Variants in MGAM observed in about 807,000 individuals in gnomAD.
The protein encoded by MGAM is alpha-1,4-glucosidase.
In MGAM, 253 loss-of-function variants were observed where a neutral mutation model predicts 358.8. The observed-to-expected ratio is 0.71, with a 90% CI of 0.64 to 0.78. The LOEUF is 0.78. Among genes scored for constraint, MGAM ranks in the 30% least tolerant of loss-of-function variants. The probability of loss-of-function intolerance (pLI) is 0.00; values close to 1 mark genes in which losing one functional copy is unlikely to be tolerated. For missense variants in MGAM, 3,080 were observed against 3,432.6 expected, an observed-to-expected ratio of 0.90 and a Z score of 2.57; for synonymous variants, 1,105 against 1,227.1, an observed-to-expected ratio of 0.90 and a Z score of 2.08.
chr7:142,057,055 GGA>G, intron 30 of MGAM, 113 bp downstream of exon 30: 1 of 924,364 alleles, frequency 1.1e-6, no homozygotes, highest in Non-Finnish European at 1.6e-6. Context: ...GGTCTTTCTT[GGA>G]GAGAGATTAT....
At chr7:142,065,958 G>GTTTTTTTTTTTTTTTTTTTTT (rs1477940566) in intron 40 of MGAM, 127 bp downstream of exon 40, 2 of 743,314 alleles carry the variant, frequency 2.7e-6, no homozygotes, top group Admixed American at 3.5e-5. Flanking sequence ...TTTTTGTTTT[G>GTTTTTTTTTTTTTTTTTTTTT]TTTTGTTTTG....
intron 21 of MGAM, among the ~76,000 whole-genome samples, chr7:142,041,340 G>A (rs1808515263): frequency 6.6e-6 from 1 of 152,054 alleles, no homozygotes; most frequent in Non-Finnish European, 1.5e-5. Flanking sequence ...TAGACCAGGA[G>A]CTCTTTGGAA....
rs759781734 is a variant in MGAM at position 142,086,723 on chromosome 7, G to C, written c.6810+6G>C. On this transcript the variant is annotated splice_donor_region_variant and intron_variant, in intron 57 of 70. Transcript: ENST00000475668. ...ACTGGGACAGTCAAGTGGAGGTAAA[G>C]GGTCTTTGTAAATTTGGGTGGAGTC... 2 of 1,099,904 alleles carry C rather than the reference G, an allele frequency of 1.8e-6. No homozygotes were observed. The highest frequency in any genetic ancestry group is 2.8e-5 in the East Asian group (1 of 35,202). 68.1% of individuals were successfully genotyped at this position (1,099,904 alleles called of 1,614,324 possible).
In MGAM at chr7:142,052,966, T is replaced by C; in HGVS notation, c.3141T>C (p.Asn1047=). The C allele has an allele frequency of 2.5e-6, 4 of 1,613,878 alleles. No individual in the cohort carries two copies. The highest frequency in any genetic ancestry group is 3.4e-6 in the Non-Finnish European group (4 of 1,179,822). Residue 1047 remains asparagine (N), a synonymous_variant, in exon 26 of 71, where the codon AAT becomes AAC. Coordinates refer to ENST00000475668, the MANE Select transcript of MGAM (RefSeq NM_001365693.1). ...PLRLDVTYHK[N]EMLQFKIYDP... ...GCCTGGATGTCACTTACCATAAGAATGAAATGCTGCAGTTCAAGGTAAACA... is the reference window on the plus strand; with the variant it reads ...GCCTGGATGTCACTTACCATAAGAACGAAATGCTGCAGTTCAAGGTAAACA...
At chr7:142,078,687 C>A in intron 48 of MGAM, 121 bp from the exon 49 acceptor site, 1 of 1,150,606 alleles carries the variant, frequency 8.7e-7, no homozygotes, top group Non-Finnish European at 1.2e-6. Flanking sequence ...ATGTTATTGC[C>A]AAGTGATAAG....
chr7:142,005,367 A>C (rs571428096), intron 1 of MGAM, among the ~76,000 whole-genome samples, 162 bp from the exon 2 acceptor site: 1 of 152,184 alleles, frequency 6.6e-6, no homozygotes, highest in East Asian at 1.9e-4. Flanking sequence ...ATAAGGACAG[A>C]ATGAATTGGC....
chr7:142,076,093 A>G, intron 45 of MGAM, 110 bp from the exon 46 acceptor site: 1 of 851,750 alleles, frequency 1.2e-6, no homozygotes, highest in Admixed American at 1.9e-5. Flanking sequence ...AAGGTAAAGG[A>G]AATACTGCCA....
At chr7:142,061,988 G>A (rs1162916331) in intron 34 of MGAM, among the ~76,000 whole-genome samples, 1 of 152,160 alleles carries the variant, frequency 6.6e-6, no homozygotes, top group African/African-American at 2.4e-5. Context: ...TGAGGGTAGA[G>A]GAAAATAAAG....
In MGAM at chr7:142,047,783, A is replaced by G. The variant is rs779569717; in HGVS notation, c.2499-2A>G. ...TTGTGTCTTGAATCTTGTTCCCCAC[A>G]GTCGAAAGAACCCTCTTGGTCTTAT... On this transcript the variant is annotated splice_acceptor_variant, in intron 21 of 70. Coordinates refer to ENST00000475668, the MANE Select transcript of MGAM (RefSeq NM_001365693.1). LOFTEE classifies it high-confidence loss of function. The G allele has an allele frequency of 6.2e-7, 1 of 1,611,252 alleles. No homozygotes were observed. The highest frequency in any genetic ancestry group is 8.5e-7 in the Non-Finnish European group (1 of 1,177,530).
chr7:142,086,139 T>C lies in MGAM; in HGVS notation c.6637-79T>C. Reference sequence around the variant, plus strand: ...CAGGTAGAAGCCAACAAGTTCGCCCTGGAGGAGTTCTCCTTCATTCTGTTT... The same window carrying C: ...CAGGTAGAAGCCAACAAGTTCGCCCCGGAGGAGTTCTCCTTCATTCTGTTT... On this transcript the variant is annotated intron_variant, in intron 55 of 70. Coordinates refer to ENST00000475668, the MANE Select transcript of MGAM (RefSeq NM_001365693.1). 3 of 1,431,800 alleles carry C rather than the reference T, an allele frequency of 2.1e-6. No homozygotes were observed. The South Asian group carries it at 3.8e-5, about 18-fold the overall frequency. The allele number at this position is 1,431,800 out of a possible 1,614,324, so 88.7% of individuals were successfully genotyped here.
chr7:142,042,093 AATATATACATATAATATATAATATATAAT>A (rs1563146098), intron 21 of MGAM, among the ~76,000 whole-genome samples: 2 of 77,362 alleles, frequency 2.6e-5, no homozygotes, highest in African/African-American at 5.4e-5. Flanking sequence ...TATAACATAT[AATATATACATATAATATATAATATATAAT>A]ATATATACAT....
chr7:142,103,879 C>T (rs548676046), intron 70 of MGAM, among the ~76,000 whole-genome samples: 13 of 146,336 alleles, frequency 8.9e-5, no homozygotes, highest in Non-Finnish European at 1.6e-4. Flanking sequence ...TTTTTTGAGA[C>T]GGAGTCTCAC....
At position 142,102,645 on chromosome 7, in the gene MGAM, G is replaced by C; in HGVS notation, c.7979G>C (p.Gly2660Ala). 6.2e-7 allele frequency: 1 copy of C among 1,613,434 alleles called. No homozygotes were observed. Among genetic ancestry groups the C allele is most frequent in the Non-Finnish European group, 8.5e-7 (1 of 1,179,702 alleles). ...DGQSIDTYGK[G>A]LYYLASFSAS... Reference sequence around the variant, plus strand: ...TTGTTTGCAGATACCTATGGGAAAGGACTCTATTACTTGGCCAGCTTTTCT... The same window carrying C: ...TTGTTTGCAGATACCTATGGGAAAGCACTCTATTACTTGGCCAGCTTTTCT... Residue 2660 changes from glycine to alanine, a missense_variant, in exon 69 of 71, where the codon GGA becomes GCA. This residue lies in a region of MGAM where 194 missense variants were observed against 172.8 expected (regional missense o/e 1.12). Coordinates refer to ENST00000475668, the MANE Select transcript of MGAM (RefSeq NM_001365693.1).
At chr7:142,101,877 C>T (rs1441193767) in intron 68 of MGAM, among the ~76,000 whole-genome samples, 1 of 147,840 alleles carries the variant, frequency 6.8e-6, no homozygotes, top group African/African-American at 2.5e-5. Context: ...CATTGCACTC[C>T]AGCCTGGGCA....
chr7:142,024,325 A>G (rs916946381), intron 7 of MGAM, among the ~76,000 whole-genome samples: 1 of 151,940 alleles, frequency 6.6e-6, no homozygotes, highest in Non-Finnish European at 1.5e-5. Context: ...GAGGCAGGAG[A>G]ATTGCTTGAG....
In MGAM at chr7:142,028,326, T is replaced by G. The variant is rs182301000; in HGVS notation, c.1221+591T>G. 2.3e-4 allele frequency among the ~76,000 whole-genome samples: 35 copies of G among 152,290 alleles called. No individual in the cohort carries two copies. The East Asian group carries it at 5.2e-3, about 23-fold the overall frequency. ...CAGATCCCCAGGCTCCCTACCTATG[T>G]TTTAACAGATATTTTAAAGAGGAAT... is the stretch of plus-strand genomic sequence containing the variant. On this transcript the variant is annotated intron_variant, in intron 10 of 70. Coordinates refer to ENST00000475668, the MANE Select transcript of MGAM (RefSeq NM_001365693.1).
chr7:142,102,659 G>T lies in MGAM; in HGVS notation c.7993G>T (p.Ala2665Ser), dbSNP rs768515846. 1.2e-6 allele frequency: 2 copies of T among 1,613,112 alleles called. No homozygotes were observed. The highest frequency in any genetic ancestry group is 4.5e-5 in the East Asian group (2 of 44,856). ...CTATGGGAAAGGACTCTATTACTTG[G>T]CCAGCTTTTCTGCCAGCCAGGTGAG... ...DTYGKGLYYL[A>S]SFSASQNTMQ... Residue 2665 changes from alanine to serine, a missense_variant, in exon 69 of 71, where the codon GCC becomes TCC. Transcript: ENST00000475668.
chr7:142,044,225 C>T lies in MGAM; in HGVS notation c.2498+3379C>T, dbSNP rs868325654. Among the ~76,000 whole-genome samples, 328 of 55,632 alleles carry T rather than the reference C, an allele frequency of 5.9e-3. 45 individuals carry two copies. The Middle Eastern group carries it at 0.075, about 13-fold the overall frequency. The allele number at this position is 55,632 out of a possible 152,430, so 36.5% of individuals were successfully genotyped here. On this transcript the variant is annotated intron_variant, in intron 21 of 70. Transcript: ENST00000475668. ...ATATATACATTATATACACATACGACATATAATATATACATTATATACACA... is the reference window on the plus strand; with the variant it reads ...ATATATACATTATATACACATACGATATATAATATATACATTATATACACA...
Position 142,078,825 on chromosome 7 carries a change from A to G in MGAM, c.5664A>G (p.Gly1888=), listed in dbSNP as rs1230908862. 2 of 1,554,784 alleles carry G rather than the reference A, an allele frequency of 1.3e-6. No homozygotes were observed. Among genetic ancestry groups the G allele is most frequent in the East Asian group, 2.3e-5 (1 of 43,922 alleles). ...CTTTTCAGGCATCCAATTCTTCTGG[A>G]GTCCCTTTTTGCTATTTTGTCAACG... is the stretch of plus-strand genomic sequence containing the variant. The part of the protein sequence containing the change: ...GCIWEASNSS[G]VPFCYFVNDL... The change falls in exon 49 of 71, where the codon GGA becomes GGG. Residue 1888 remains glycine, a synonymous_variant. Transcript: ENST00000475668.
Sources: gnomAD v4.1 joint callset for allele counts (sites outside exome capture counted in the v4.1 genomes callset) on GRCh38, gnomAD v4.1.1 for gene constraint, gnomAD v4.1.1 regional missense constraint, MANE v1.5 for transcripts, NCBI Gene and HGNC (gene_info 2026-07-23, HGNC 2026-07-21) for gene names.